MYO7B: variants seen among roughly 807,000 people sequenced by gnomAD.
MYO7B encodes the protein unconventional myosin-VIIb.
A neutral mutation model predicts 259.7 loss-of-function variants in MYO7B; 212 were observed. The ratio of observed to expected loss-of-function variants is 0.82; its 90% CI spans 0.73 to 0.91. The LOEUF (loss-of-function observed/expected upper bound fraction) is 0.91, where lower values mean the gene tolerates loss of function less well. Among genes scored for constraint, MYO7B ranks in the 40% least tolerant of loss-of-function variants. The probability of loss-of-function intolerance (pLI) is 0.00; values close to 1 mark genes in which losing one functional copy is unlikely to be tolerated. For synonymous variants in MYO7B, 1,197 were observed against 1,166.4 expected, an observed-to-expected ratio of 1.03 and a Z score of -0.54; for missense variants, 2,732 against 2,813.5, an observed-to-expected ratio of 0.97 and a Z score of 0.66.
intron 7 of MYO7B, among the ~76,000 whole-genome samples, chr2:127,575,956 T>C (rs1678850095): frequency 1.3e-5 from 2 of 152,186 alleles, no homozygotes; most frequent in Non-Finnish European, 2.9e-5. Context: ...TTGTTTGATT[T>C]GTATGAGAAT....
At chr2:127,579,157 G>A (rs1331371283) in intron 9 of MYO7B, among the ~76,000 whole-genome samples, 1 of 152,146 alleles carries the variant, frequency 6.6e-6, no homozygotes, top group Non-Finnish European at 1.5e-5. Context: ...GAGAGAAGGT[G>A]GAGACTGGGA....
chr2:127,637,425 T>C lies in MYO7B; in HGVS notation c.*8T>C, dbSNP rs369183329. The C allele has an allele frequency of 9.3e-6, 14 of 1,504,192 alleles. No homozygotes were observed. In the East Asian group the frequency reaches 1.4e-4, roughly 15 times the overall value. 93.2% of individuals were successfully genotyped at this position (1,504,192 alleles called of 1,614,324 possible). A position where few individuals can be genotyped will look rare whatever the true frequency, so the allele number is the denominator to read the frequency against. ...GCCCTGGCCAGCACCTAGCAGCGGA[T>C]GCTGGCGTGTCTGCTCAGGCGCCCT... On this transcript the variant is annotated 3_prime_UTR_variant, in exon 48 of 48. Coordinates refer to ENST00000409816, the MANE Select transcript of MYO7B (RefSeq NM_001393586.1).
At chr2:127,633,924 C>T (rs1681651634) in intron 40 of MYO7B, among the ~76,000 whole-genome samples, 1 of 152,226 alleles carries the variant, frequency 6.6e-6, no homozygotes, top group Admixed American at 6.5e-5. Flanking sequence ...AGGAAGTTCC[C>T]ACAGTCTGGC....
In MYO7B at chr2:127,544,667, G is replaced by A. The variant is rs374928694; in HGVS notation, c.-24+8836G>A. Among the ~76,000 whole-genome samples the A allele has an allele frequency of 3.0e-4, 43 of 143,820 alleles. 1 individual carries two copies. In the South Asian group the frequency reaches 9.5e-3, roughly 32 times the overall value. 94.4% of individuals were successfully genotyped at this position (143,820 alleles called of 152,430 possible). A position where few individuals can be genotyped will look rare whatever the true frequency, so the allele number is the denominator to read the frequency against. ...GCTATCTCGGCTCACTGCAAGCTCC[G>A]CCTCCTGGGTTTACGCCATTCTCCT... On this transcript the variant is annotated intron_variant, in intron 1 of 47. Coordinates refer to ENST00000409816, the MANE Select transcript of MYO7B (RefSeq NM_001393586.1).
chr2:127,621,357 G>A (rs888236067), intron 27 of MYO7B, among the ~76,000 whole-genome samples: 3 of 148,986 alleles, frequency 2.0e-5, no homozygotes, highest in Admixed American at 6.8e-5. Context: ...TCTGCCTCCC[G>A]GGTTCAAGCA....
chr2:127,603,027 C>T (rs1314670331), intron 19 of MYO7B, among the ~76,000 whole-genome samples: 1 of 152,026 alleles, frequency 6.6e-6, no homozygotes, highest in African/African-American at 2.4e-5. Flanking sequence ...AACTCCTAAT[C>T]CATTCAAGTT....
chr2:127,568,653 T>C (rs1477301150), intron 5 of MYO7B, among the ~76,000 whole-genome samples: 1 of 152,164 alleles, frequency 6.6e-6, no homozygotes, highest in Non-Finnish European at 1.5e-5. Context: ...TCCCAGCACT[T>C]TGGGAGGCTG....
At position 127,578,144 on chromosome 2, in the gene MYO7B, T is replaced by C; in HGVS notation, c.861T>C (p.Thr287=). 1 of 1,613,774 alleles carries C rather than the reference T, an allele frequency of 6.2e-7. No individual in the cohort carries two copies. The highest frequency in any genetic ancestry group is 8.5e-7 in the Non-Finnish European group (1 of 1,179,868). ...ACCCTGTCCCTCAGGGGAACTGCAC[T>C]TCCTGTGAGGGGCTCAACGACGCCA... ...EYHYLTMGNC[T]SCEGLNDAKD... The change falls in exon 9 of 48, where the codon ACT becomes ACC. Residue 287 remains threonine, a synonymous_variant. Transcript: ENST00000409816.
rs1050181442 is a variant in MYO7B, at chr2:127,585,586, T to C, written c.1690+673T>C. 5.9e-5 allele frequency among the ~76,000 whole-genome samples: 9 copies of C among 152,360 alleles called. No homozygotes were observed. Among genetic ancestry groups the C allele is most frequent in the African/African-American group, 1.2e-4 (5 of 41,588 alleles). On this transcript the variant is annotated intron_variant, in intron 14 of 47. Coordinates refer to ENST00000409816, the MANE Select transcript of MYO7B (RefSeq NM_001393586.1). The surrounding 1 kb of genome is among the most constrained non-coding windows in gnomAD (Gnocchi z 4.3). The stretch of plus-strand genomic sequence containing the variant: ...GGCATATGTTTTCATTTCCCCTGGG[T>C]ATCTACCTAGCAGCAGAATTGCTGT...
intron 1 of MYO7B, among the ~76,000 whole-genome samples, chr2:127,548,327 T>A (rs1423936883): frequency 1.3e-5 from 2 of 152,102 alleles, no homozygotes; most frequent in Non-Finnish European, 2.9e-5. Flanking sequence ...TTCTAATTTT[T>A]ATTTTTTATT....
At chr2:127,635,961 C>T in intron 44 of MYO7B, 54 bp downstream of exon 44, 1 of 1,528,408 alleles carries the variant, frequency 6.5e-7, no homozygotes, top group African/African-American at 1.4e-5. Context: ...CCCTGGGCCC[C>T]TGCACCAGTG....
intron 29 of MYO7B, 64 bp from the exon 30 acceptor site, chr2:127,624,025 CGGTG>C: frequency 7.1e-7 from 1 of 1,411,630 alleles, no homozygotes; most frequent in Non-Finnish European, 9.6e-7. Flanking sequence ...CACACGCTGA[CGGTG>C]GGCGTCCCCG....
chr2:127,595,594 A>G (rs1233874790), intron 18 of MYO7B, among the ~76,000 whole-genome samples: 1 of 152,094 alleles, frequency 6.6e-6, no homozygotes, highest in Non-Finnish European at 1.5e-5. Context: ...TAGCTTTCTG[A>G]TAAGGGCATT....
intron 44 of MYO7B, 38 bp downstream of exon 44, chr2:127,635,945 G>C (rs1189835235): frequency 1.3e-6 from 2 of 1,543,110 alleles, no homozygotes; most frequent in Non-Finnish European, 1.8e-6. Flanking sequence ...TTGTGCTGCT[G>C]CTCCTCCCTG....
At position 127,559,703 on chromosome 2, in the gene MYO7B, T is replaced by C; in HGVS notation, c.-20T>C. ...TCTGCTTTCTCTCTCCATACAGGCT[T>C]GTGGAACTGCTGACTCAGGATGTCG... On this transcript the variant is annotated 5_prime_UTR_variant, in exon 2 of 48. Coordinates refer to ENST00000409816, the MANE Select transcript of MYO7B (RefSeq NM_001393586.1). The surrounding 1 kb of genome is among the most constrained non-coding windows in gnomAD (Gnocchi z 4.1). 2 of 1,613,992 alleles carry C rather than the reference T, an allele frequency of 1.2e-6. No individual in the cohort carries two copies. The highest frequency in any genetic ancestry group is 1.7e-6 in the Non-Finnish European group (2 of 1,179,878).
In MYO7B at chr2:127,614,174, C is replaced by T. The variant is rs557508366; in HGVS notation, c.3398+1571C>T. The stretch of plus-strand genomic sequence containing the variant: ...ATTCGAATGATGTGTACTTTGGGTT[C>T]TTCAGACACCCCCTATAGGCACTCC... On this transcript the variant is annotated intron_variant, in intron 26 of 47. Transcript: ENST00000409816. This position sits in a 1 kb window ranked among gnomAD's most constrained non-coding sequence, Gnocchi z 4.6. Among the ~76,000 whole-genome samples, 1 of 152,298 alleles carries T rather than the reference C, an allele frequency of 6.6e-6. No individual in the cohort carries two copies. Among genetic ancestry groups the T allele is most frequent in the Non-Finnish European group, 1.5e-5 (1 of 68,014 alleles).
rs76346259 is a variant in MYO7B, at chr2:127,537,949, T to C, written c.-24+2118T>C. On this transcript the variant is annotated intron_variant, in intron 1 of 47. Transcript: ENST00000409816. ...AAATCCAGTGTCATTGTAGACTCTG[T>C]TGTCTGCCTTTCCAGCAGTGTGTAG... 1.3e-3 allele frequency among the ~76,000 whole-genome samples: 194 copies of C among 152,260 alleles called. 1 individual carries two copies. The highest frequency in any genetic ancestry group is 4.3e-3 in the African/African-American group (180 of 41,548).
At position 127,576,946 on chromosome 2, in the gene MYO7B, C is replaced by G. The variant is rs928395540; in HGVS notation, c.849+238C>G. Among the ~76,000 whole-genome samples, 4 of 152,232 alleles carry G rather than the reference C, an allele frequency of 2.6e-5. No individual in the cohort carries two copies. Among genetic ancestry groups the G allele is most frequent in the Middle Eastern group, 3.4e-3 (1 of 294 alleles). On this transcript the variant is annotated intron_variant, in intron 8 of 47. Transcript: ENST00000409816. This position sits in a 1 kb window ranked among gnomAD's most constrained non-coding sequence, Gnocchi z 4.9. Reference sequence around the variant, plus strand: ...CCCCAGGCTGGACCCGGGGCCTCCCCGCAGACCTCATCTTCCTTTGGTCCC... The same window carrying G: ...CCCCAGGCTGGACCCGGGGCCTCCCGGCAGACCTCATCTTCCTTTGGTCCC...
chr2:127,609,459 GTT>G lies in MYO7B; in HGVS notation c.2815-46_2815-45del. 2.6e-6 allele frequency: 4 copies of G among 1,550,040 alleles called. No individual in the cohort carries two copies. The South Asian group carries it at 4.7e-5, about 18-fold the overall frequency. On this transcript the variant is annotated intron_variant, in intron 22 of 47. Coordinates refer to ENST00000409816, the MANE Select transcript of MYO7B (RefSeq NM_001393586.1). This position sits in a 1 kb window ranked among gnomAD's most constrained non-coding sequence, Gnocchi z 6.9. ...TGGACAGTCAGCTGATGGGTTGGTT[GTT>G]ACCTGAAAGCCCTGCTGACCCGTGT...
Sources: allele counts gnomAD v4.1 joint callset (sites outside exome capture counted in the v4.1 genomes callset), GRCh38; gene constraint gnomAD v4.1.1; non-coding constraint Gnocchi (gnomAD v3.1); transcripts MANE v1.5; gene names NCBI Gene and HGNC (gene_info 2026-07-23, HGNC 2026-07-21).